MAST4: variants seen among roughly 807,000 people sequenced by gnomAD.
MAST4 encodes the protein microtubule associated serine/threonine kinase family member 4.
In MAST4, 89 loss-of-function variants were observed where a neutral mutation model predicts 162.7. That is an observed-to-expected ratio of 0.55 (90% CI 0.46 to 0.65). The LOEUF is 0.65. Among genes scored for constraint, MAST4 ranks in the 30% least tolerant of loss-of-function variants. The pLI is 0.00. For missense variants in MAST4, 3,153 were observed against 3,374.0 expected (o/e 0.93, Z 1.62); for synonymous variants, 1,479 against 1,361.1 (o/e 1.09, Z -1.91).
chr5:66,892,888 A>G (rs1283410187), intron 3 of MAST4, among the ~76,000 whole-genome samples: 2 of 152,224 alleles, frequency 1.3e-5, no homozygotes, highest in African/African-American at 4.8e-5. Flanking sequence ...CTGTCCAGGC[A>G]GCCAGCTGAT....
At chr5:66,880,476 G>C (rs1761620837) in intron 3 of MAST4, among the ~76,000 whole-genome samples, 1 of 152,134 alleles carries the variant, frequency 6.6e-6, no homozygotes, top group Non-Finnish European at 1.5e-5. Context: ...GAAATCCAGA[G>C]CTCTTGACCC....
At position 66,805,496 on chromosome 5, in the gene MAST4, T is replaced by C. The variant is rs1196835580; in HGVS notation, c.642+16702T>C. The stretch of plus-strand genomic sequence containing the variant: ...ATTTTTATATCTCTGGCAGTATCTT[T>C]ATCATTTTCTTTGAAAACCAGTGAG... On this transcript the variant is annotated intron_variant, in intron 3 of 28. Coordinates refer to ENST00000403625, the MANE Select transcript of MAST4 (RefSeq NM_001164664.2). Among the ~76,000 whole-genome samples, 6 of 152,344 alleles carry C rather than the reference T, an allele frequency of 3.9e-5. No individual in the cohort carries two copies. In the South Asian group the frequency reaches 1.0e-3, roughly 26 times the overall value.
chr5:67,005,538 T>G (rs1481853634), intron 4 of MAST4, among the ~76,000 whole-genome samples: 1 of 152,228 alleles, frequency 6.6e-6, no homozygotes, highest in Non-Finnish European at 1.5e-5. Flanking sequence ...TAGCCCAGGT[T>G]AGCTATTTCA....
chr5:67,145,466 A>C (rs1358672634), intron 23 of MAST4, 87 bp downstream of exon 23: 8 of 1,074,738 alleles, frequency 7.4e-6, no homozygotes, highest in Non-Finnish European at 1.1e-5. Context: ...CTCGCCAGGC[A>C]GTAAAGATGG....
chr5:66,795,304 G>C (rs1326754557), intron 3 of MAST4, among the ~76,000 whole-genome samples: 3 of 152,178 alleles, frequency 2.0e-5, no homozygotes, highest in Admixed American at 1.3e-4. Flanking sequence ...TTACTAAACT[G>C]TTCCCTTTAT....
At chr5:66,944,090 A>T (rs1041802398) in intron 4 of MAST4, among the ~76,000 whole-genome samples, 26 of 152,008 alleles carry the variant, frequency 1.7e-4, no homozygotes, top group African/African-American at 6.0e-4. Context: ...GTATTTTCTG[A>T]TTTTGCTATT....
At chr5:66,963,079 GA>G (rs1373447844) in intron 4 of MAST4, among the ~76,000 whole-genome samples, 1 of 152,104 alleles carries the variant, frequency 6.6e-6, no homozygotes, top group Admixed American at 6.5e-5. Flanking sequence ...GGGGGTCAGG[GA>G]TTATAATGGT....
At position 66,669,987 on chromosome 5, in the gene MAST4, A is replaced by G. The variant is rs562529893; in HGVS notation, c.363+72969A>G. 1.0e-3 allele frequency among the ~76,000 whole-genome samples: 156 copies of G among 152,352 alleles called. 1 individual carries two copies. Among genetic ancestry groups the G allele is most frequent in the Middle Eastern group, 6.8e-3 (2 of 294 alleles). On this transcript the variant is annotated intron_variant, in intron 1 of 28. Coordinates refer to ENST00000403625, the MANE Select transcript of MAST4 (RefSeq NM_001164664.2). The stretch of plus-strand genomic sequence containing the variant: ...ATTCAGGTAGTAGGAATAAATGACA[A>G]GAGGTGAGCCTGGGAAGCCAGGTGA...
chr5:66,803,661 A>C (rs1041347352), intron 3 of MAST4, among the ~76,000 whole-genome samples: 57 of 152,290 alleles, frequency 3.7e-4, no homozygotes, highest in African/African-American at 8.4e-4. Context: ...AATGTATGGG[A>C]ATTCAGTTGG....
Position 67,022,612 on chromosome 5 carries a change from T to C in MAST4, c.675-31792T>C, listed in dbSNP as rs554328994. ...CAAAGAACTTCTGGAGTTTCATTAC[T>C]ACTATGAACCTTTACTGAATTGTCA... On this transcript the variant is annotated intron_variant, in intron 4 of 28. Transcript: ENST00000403625. Among the ~76,000 whole-genome samples the C allele has an allele frequency of 2.6e-5, 4 of 152,314 alleles. No individual in the cohort carries two copies. The South Asian group carries it at 8.3e-4, about 32-fold the overall frequency.
At chr5:66,899,590 C>T (rs532161092) in intron 3 of MAST4, among the ~76,000 whole-genome samples, 1 of 152,236 alleles carries the variant, frequency 6.6e-6, no homozygotes, top group East Asian at 1.9e-4. Context: ...TGCAAAATGT[C>T]TCCTACTTCT....
At chr5:67,058,018 T>C (rs1759073090) in intron 5 of MAST4, among the ~76,000 whole-genome samples, 1 of 151,722 alleles carries the variant, frequency 6.6e-6, no homozygotes, top group Non-Finnish European at 1.5e-5. Context: ...GGCAGGAGGA[T>C]TGCTTGAGCC....
At chr5:66,632,868 T>C (rs781439841) in intron 1 of MAST4, among the ~76,000 whole-genome samples, 1 of 152,146 alleles carries the variant, frequency 6.6e-6, no homozygotes, top group Non-Finnish European at 1.5e-5. Context: ...AAAACAGACA[T>C]ATAAATAGAA....
At chr5:67,086,817 T>C (rs557455151) in intron 5 of MAST4, among the ~76,000 whole-genome samples, 2 of 152,308 alleles carry the variant, frequency 1.3e-5, no homozygotes, top group South Asian at 2.1e-4. Flanking sequence ...TTTCACTCCT[T>C]CTTACTCTCA....
intron 5 of MAST4, among the ~76,000 whole-genome samples, chr5:67,063,786 GTCCCAGCTGGA>G (rs1444646418): frequency 3.9e-5 from 6 of 152,136 alleles, no homozygotes; most frequent in Non-Finnish European, 8.8e-5. Context: ...GGTTGCTGAA[GTCCCAGCTGGA>G]TCTTAATTAC....
At chr5:67,004,382 C>T (rs1262778667) in intron 4 of MAST4, among the ~76,000 whole-genome samples, 1 of 152,252 alleles carries the variant, frequency 6.6e-6, no homozygotes, top group Non-Finnish European at 1.5e-5. Context: ...AGGTTCAAGT[C>T]CTCCAATAGG....
chr5:67,062,347 G>A (rs187413259), intron 5 of MAST4, among the ~76,000 whole-genome samples: 90 of 152,072 alleles, frequency 5.9e-4, no homozygotes, highest in South Asian at 3.1e-3. Flanking sequence ...GCAGTGAGCC[G>A]AGATCACGCC....
intron 1 of MAST4, among the ~76,000 whole-genome samples, chr5:66,649,343 G>A (rs1321151158): frequency 1.3e-5 from 2 of 152,146 alleles, no homozygotes; most frequent in Non-Finnish European, 2.9e-5. Flanking sequence ...GAACACATGT[G>A]TTGGGCCAGG....
rs1352655226 is a variant in MAST4 at position 67,164,025 on chromosome 5, A to G, written c.4846A>G (p.Ser1616Gly). ...ALHKQASVRASEGAMSDGRVP... is the reference protein window; with the variant it reads ...ALHKQASVRAGEGAMSDGRVP... ...TCACAAGCAGGCCAGCGTGCGCGCC[A>G]GCGAGGGTGCGATGTCGGATGGCCG... The change falls in exon 29 of 29, where the codon AGC becomes GGC. Residue 1616 changes from serine to glycine, a missense_variant. By Grantham distance (56) the Ser-to-Gly change is moderately conservative (BLOSUM62 0). Coordinates refer to ENST00000403625, the MANE Select transcript of MAST4 (RefSeq NM_001164664.2). This position sits in a 1 kb window ranked among gnomAD's most constrained non-coding sequence, Gnocchi z 5.3. The G allele has an allele frequency of 6.3e-7, 1 of 1,587,516 alleles. No individual in the cohort carries two copies. Among genetic ancestry groups the G allele is most frequent in the South Asian group, 1.1e-5 (1 of 88,070 alleles).
Sources: allele counts gnomAD v4.1 joint callset (sites outside exome capture counted in the v4.1 genomes callset), GRCh38; gene constraint gnomAD v4.1.1; non-coding constraint Gnocchi (gnomAD v3.1); transcripts MANE v1.5; gene names NCBI Gene and HGNC (gene_info 2026-07-23, HGNC 2026-07-21).